The following CTIF variants were observed in gnomAD, a reference collection of about 807,000 sequenced individuals.
The protein encoded by CTIF is CBP80/20-dependent translation initiation factor.
A neutral mutation model predicts 66.0 loss-of-function variants in CTIF; 21 were observed. That is an observed-to-expected ratio of 0.32 (90% confidence interval 0.23 to 0.46). CTIF has a LOEUF of 0.46. Among genes scored for constraint, CTIF ranks in the 20% least tolerant of loss-of-function variants. The probability of loss-of-function intolerance (pLI) is 1.00; values close to 1 mark genes in which losing one functional copy is unlikely to be tolerated. For synonymous variants in CTIF, 345 were observed against 326.4 expected (o/e 1.06, Z -0.62); for missense variants, 739 against 812.7 (o/e 0.91, Z 1.10).
chr18:48,764,406 G>GC (rs1555688355), intron 9 of CTIF, among the ~76,000 whole-genome samples: 1 of 152,152 alleles, frequency 6.6e-6, no homozygotes, highest in Non-Finnish European at 1.5e-5. Flanking sequence ...TGCCGTTACT[G>GC]CCCCCCATCT....
chr18:48,845,129 G>A (rs1462071456), intron 10 of CTIF, among the ~76,000 whole-genome samples: 1 of 139,152 alleles, frequency 7.2e-6, no homozygotes, highest in Non-Finnish European at 1.6e-5. Context: ...AGAGGGAAAG[G>A]AAGGAAGAGA....
intron 9 of CTIF, among the ~76,000 whole-genome samples, chr18:48,777,592 C>T (rs1910809369): frequency 6.6e-6 from 1 of 152,236 alleles, no homozygotes; most frequent in African/African-American, 2.4e-5. Flanking sequence ...GAGGACAGAG[C>T]ATGGGTCCTG....
At chr18:48,843,368 C>G (rs996809853) in intron 10 of CTIF, among the ~76,000 whole-genome samples, 22 of 152,282 alleles carry the variant, frequency 1.4e-4, no homozygotes, top group African/African-American at 5.1e-4. Context: ...GTGACCATAA[C>G]TCCATCCTGT....
At chr18:48,757,437 C>T (rs751829921) in intron 7 of CTIF, among the ~76,000 whole-genome samples, 5 of 151,370 alleles carry the variant, frequency 3.3e-5, no homozygotes, top group Non-Finnish European at 5.9e-5. Context: ...TTTCAAAAAA[C>T]ATTATGGTGA....
chr18:48,746,680 G>A (rs1030399972), intron 7 of CTIF, among the ~76,000 whole-genome samples: 3 of 151,488 alleles, frequency 2.0e-5, no homozygotes, highest in African/African-American at 4.9e-5. Flanking sequence ...GTGTGGCATG[G>A]TCTCTTCATC....
At chr18:48,748,312 G>A (rs1040128620) in intron 7 of CTIF, among the ~76,000 whole-genome samples, 8 of 152,030 alleles carry the variant, frequency 5.3e-5, no homozygotes, top group African/African-American at 1.7e-4. Context: ...GCAGGTGGGG[G>A]CCACTCAGTG....
At position 48,634,971 on chromosome 18, in the gene CTIF, AAATAT is replaced by A. The variant is rs376293618; in HGVS notation, c.181-1636_181-1632del. Among the ~76,000 whole-genome samples, 35 of 152,350 alleles carry A rather than the reference AAATAT, an allele frequency of 2.3e-4. No individual in the cohort carries two copies. In the East Asian group the frequency reaches 3.1e-3, roughly 13 times the overall value. Reference sequence around the variant, plus strand: ...TGATAATATTTTGATGTATTAGATTAAATATAATATATTATTTCATTTAATTTTAC... The same window carrying A: ...TGATAATATTTTGATGTATTAGATTAAATATATTATTTCATTTAATTTTAC... On this transcript the variant is annotated intron_variant, in intron 2 of 11. Coordinates refer to ENST00000256413, the MANE Select transcript of CTIF (RefSeq NM_014772.3).
At chr18:48,556,171 C>T (rs537687831) in intron 1 of CTIF, among the ~76,000 whole-genome samples, 7 of 152,252 alleles carry the variant, frequency 4.6e-5, no homozygotes, top group South Asian at 2.1e-4. Flanking sequence ...GTGAGTGCTC[C>T]GGATCGTCTC....
In CTIF at chr18:48,771,216, G is replaced by A. The variant is rs78638309; in HGVS notation, c.1371+9527G>A. Among the ~76,000 whole-genome samples, 383 of 152,206 alleles carry A rather than the reference G, an allele frequency of 2.5e-3. 14 individuals carry two copies. In the East Asian group the frequency reaches 0.066, roughly 26 times the overall value. On this transcript the variant is annotated intron_variant, in intron 9 of 11. Coordinates refer to ENST00000256413, the MANE Select transcript of CTIF (RefSeq NM_014772.3). ...TGTGTCCCTTTCATGAAGTCTTCTG[G>A]GCTCCCCTGTTTAAGCTTTTCTTAT... is the stretch of plus-strand genomic sequence containing the variant.
At chr18:48,657,800 C>G (rs2091269163) in intron 3 of CTIF, among the ~76,000 whole-genome samples, 1 of 152,034 alleles carries the variant, frequency 6.6e-6, no homozygotes, top group Non-Finnish European at 1.5e-5. Flanking sequence ...AGTATAGTAG[C>G]CTAAAGTGAA....
chr18:48,796,199 A>G (rs2067913516), intron 9 of CTIF, among the ~76,000 whole-genome samples: 1 of 149,404 alleles, frequency 6.7e-6, no homozygotes, highest in African/African-American at 2.5e-5. Context: ...TTTGAGATGG[A>G]GTCTCACTCT....
intron 9 of CTIF, among the ~76,000 whole-genome samples, chr18:48,807,556 G>A (rs1307521001): frequency 1.0e-5 from 1 of 100,480 alleles, no homozygotes; most frequent in African/African-American, 4.2e-5. Context: ...TATTGTAAAC[G>A]TTTCATAAAC....
chr18:48,629,953 C>T (rs2090672472), intron 2 of CTIF, among the ~76,000 whole-genome samples: 1 of 152,216 alleles, frequency 6.6e-6, no homozygotes. Context: ...TGCTACACAG[C>T]AGGCTCCCCT....
intron 9 of CTIF, among the ~76,000 whole-genome samples, chr18:48,781,068 G>T (rs929604746): frequency 6.6e-6 from 1 of 152,186 alleles, no homozygotes; most frequent in Non-Finnish European, 1.5e-5. Flanking sequence ...GGCTTTGTGA[G>T]CCCCCCTCTT....
At chr18:48,710,473 C>T (rs2092211901) in intron 6 of CTIF, among the ~76,000 whole-genome samples, 1 of 152,202 alleles carries the variant, frequency 6.6e-6, no homozygotes, top group South Asian at 2.1e-4. Context: ...CCCTACTCCA[C>T]CCCAGGCCGC....
chr18:48,630,361 C>G (rs537257223), intron 2 of CTIF, among the ~76,000 whole-genome samples: 1 of 152,186 alleles, frequency 6.6e-6, no homozygotes, highest in South Asian at 2.1e-4. Context: ...TTCATGATTT[C>G]TTTTGTCGCT....
At chr18:48,634,183 T>C (rs2090771785) in intron 2 of CTIF, among the ~76,000 whole-genome samples, 1 of 152,152 alleles carries the variant, frequency 6.6e-6, no homozygotes, top group Admixed American at 6.5e-5. Context: ...CATGATTATG[T>C]CGAGAGGGTG....
intron 6 of CTIF, among the ~76,000 whole-genome samples, chr18:48,696,559 C>T (rs1568145001): frequency 6.6e-6 from 1 of 152,212 alleles, no homozygotes; most frequent in South Asian, 2.1e-4. Flanking sequence ...CTAGGGTCCA[C>T]TTGGACCCTT....
intron 5 of CTIF, among the ~76,000 whole-genome samples, chr18:48,667,864 C>T (rs2091462611): frequency 6.6e-6 from 1 of 152,174 alleles, no homozygotes. Context: ...ACCTCATGGC[C>T]AGACCAGGAA....
Sources: allele counts gnomAD v4.1 joint callset (sites outside exome capture counted in the v4.1 genomes callset), GRCh38; gene constraint gnomAD v4.1.1; transcripts MANE v1.5; gene names NCBI Gene and HGNC (gene_info 2026-07-23, HGNC 2026-07-21).